The following MYO1D variants were observed in gnomAD, a reference collection of about 807,000 sequenced individuals.
The protein encoded by MYO1D is unconventional myosin-Id.
Under a neutral mutation model 122.0 loss-of-function variants are expected in MYO1D, and 83 were observed. That is an observed-to-expected ratio of 0.68 (90% CI 0.57 to 0.82). MYO1D has a LOEUF of 0.82. Among genes scored for constraint, MYO1D ranks in the 40% least tolerant of loss-of-function variants. The pLI, the probability that MYO1D is intolerant of heterozygous loss-of-function variation, is 0.00. For missense variants in MYO1D, 1,157 were observed against 1,269.5 expected, an observed-to-expected ratio of 0.91 and a Z score of 1.35; for synonymous variants, 464 against 446.9, an observed-to-expected ratio of 1.04 and a Z score of -0.48.
chr17:32,873,053 G>C (rs1243532485), intron 1 of MYO1D, among the ~76,000 whole-genome samples: 3 of 152,142 alleles, frequency 2.0e-5, no homozygotes, highest in Admixed American at 2.0e-4. Context: ...TGTGGCAGTT[G>C]TCTAAAAATC....
chr17:32,830,869 G>T (rs139308379), intron 1 of MYO1D, among the ~76,000 whole-genome samples: 1 of 152,116 alleles, frequency 6.6e-6, no homozygotes, highest in African/African-American at 2.4e-5. Flanking sequence ...ACCAACCTGT[G>T]TAACGGTGAA....
intron 21 of MYO1D, among the ~76,000 whole-genome samples, chr17:32,558,181 T>TC (rs907955404): frequency 6.6e-5 from 10 of 152,078 alleles, no homozygotes; most frequent in Non-Finnish European, 8.8e-5. Context: ...AAAGAAACAC[T>TC]CTGAGAGGCA....
chr17:32,555,135 T>C (rs2087057086), intron 21 of MYO1D, among the ~76,000 whole-genome samples: 1 of 152,142 alleles, frequency 6.6e-6, no homozygotes, highest in Admixed American at 6.5e-5. Context: ...AGAAACATTC[T>C]AGGTGCTCAA....
chr17:32,754,616 C>T (rs546041896), intron 11 of MYO1D, among the ~76,000 whole-genome samples: 2 of 152,276 alleles, frequency 1.3e-5, no homozygotes, highest in South Asian at 2.1e-4. Flanking sequence ...TTTATTCACA[C>T]TAAAAAATGG....
chr17:32,526,667 T>G (rs1344277102), intron 21 of MYO1D, among the ~76,000 whole-genome samples: 3 of 152,136 alleles, frequency 2.0e-5, no homozygotes, highest in Non-Finnish European at 4.4e-5. Flanking sequence ...AGTTATTATT[T>G]TTTGAGACAG....
chr17:32,535,846 G>A (rs1477698267), intron 21 of MYO1D, among the ~76,000 whole-genome samples: 1 of 152,176 alleles, frequency 6.6e-6, no homozygotes, highest in Non-Finnish European at 1.5e-5. Flanking sequence ...ATCTCAGGGT[G>A]TTTTACCTGC....
At chr17:32,853,724 A>G (rs1319973151) in intron 1 of MYO1D, among the ~76,000 whole-genome samples, 1 of 152,222 alleles carries the variant, frequency 6.6e-6, no homozygotes, top group African/African-American at 2.4e-5. Context: ...TGGCTCACAA[A>G]CGAACAAAAA....
At chr17:32,782,766 T>G (rs1356444525) in intron 1 of MYO1D, among the ~76,000 whole-genome samples, 2 of 152,070 alleles carry the variant, frequency 1.3e-5, no homozygotes, top group Non-Finnish European at 2.9e-5. Flanking sequence ...TGAAACTCCA[T>G]CTCTACCAAA....
chr17:32,586,898 A>G (rs554549420), intron 21 of MYO1D, among the ~76,000 whole-genome samples: 12 of 152,288 alleles, frequency 7.9e-5, no homozygotes, highest in South Asian at 6.2e-4. Context: ...TGGAGTGTGA[A>G]TTAATAAAGC....
rs2088117560 is a variant in MYO1D, at chr17:32,637,423, C to A, written c.2709+1299G>T. On this transcript the variant is annotated intron_variant, in intron 20 of 21. Coordinates refer to ENST00000318217, the MANE Select transcript of MYO1D (RefSeq NM_015194.3). ...TGGTGGCTTATGCCTGTAATCCCAG[C>A]ACTTTGGGAGACCACAGCGGGTGGA... 3.3e-5 allele frequency among the ~76,000 whole-genome samples: 5 copies of A among 152,174 alleles called. 1 individual carries two copies. The South Asian group carries it at 8.3e-4, about 25-fold the overall frequency.
At chr17:32,796,208 T>C (rs1567646545) in intron 1 of MYO1D, among the ~76,000 whole-genome samples, 2 of 152,182 alleles carry the variant, frequency 1.3e-5, no homozygotes, top group Admixed American at 1.3e-4. Flanking sequence ...ATGGTAACAT[T>C]TGGCTACTTG....
intron 21 of MYO1D, among the ~76,000 whole-genome samples, chr17:32,556,818 A>G (rs902753852): frequency 2.6e-5 from 4 of 152,208 alleles, no homozygotes; most frequent in African/African-American, 9.7e-5. Context: ...ACAAAATAGG[A>G]ATATTATAGT....
chr17:32,572,332 A>T (rs2087239129), intron 21 of MYO1D, among the ~76,000 whole-genome samples: 1 of 151,966 alleles, frequency 6.6e-6, no homozygotes, highest in South Asian at 2.1e-4. Context: ...CCTCCCAAAG[A>T]TGCTCTTTTC....
Position 32,872,975 on chromosome 17 carries a change from C to T in MYO1D, c.95+3803G>A, listed in dbSNP as rs557243022. Among the ~76,000 whole-genome samples, 199 of 152,242 alleles carry T rather than the reference C, an allele frequency of 1.3e-3. 1 individual carries two copies. The highest frequency in any genetic ancestry group is 1.8e-3 in the Non-Finnish European group (122 of 68,022). On this transcript the variant is annotated intron_variant, in intron 1 of 21. Transcript: ENST00000318217. ...CCTCCCAAAGTGCTGGGATTACAGGCGTGAGCCACCGCGCCCGGCCTAGGT... is the reference window on the plus strand; with the variant it reads ...CCTCCCAAAGTGCTGGGATTACAGGTGTGAGCCACCGCGCCCGGCCTAGGT...
In MYO1D at chr17:32,646,819, A is replaced by G. The variant is rs2088301466; in HGVS notation, c.2595+7024T>C. 3.3e-5 allele frequency among the ~76,000 whole-genome samples: 5 copies of G among 152,228 alleles called. No homozygotes were observed. The South Asian group carries it at 1.0e-3, about 32-fold the overall frequency. ...AGAATATGAATTGAGTGGGAAGGAC[A>G]TCAGGTAACAAAGTAAAAGCCTCAG... On this transcript the variant is annotated intron_variant, in intron 19 of 21. Coordinates refer to ENST00000318217, the MANE Select transcript of MYO1D (RefSeq NM_015194.3).
At chr17:32,499,240 A>AC (rs1909231352) in intron 21 of MYO1D, 1 of 152,250 alleles carries the variant, frequency 6.6e-6, no homozygotes, top group African/African-American at 2.4e-5. Flanking sequence ...GGTGGTGCAC[A>AC]CCTGTAGTCC....
chr17:32,834,593 C>G (rs1367457073), intron 1 of MYO1D, among the ~76,000 whole-genome samples: 1 of 152,248 alleles, frequency 6.6e-6, no homozygotes, highest in African/African-American at 2.4e-5. Flanking sequence ...CCTCATCCTA[C>G]ATCATCTGCC....
intron 1 of MYO1D, among the ~76,000 whole-genome samples, chr17:32,836,025 A>C (rs2090819083): frequency 6.6e-6 from 1 of 152,242 alleles, no homozygotes; most frequent in Non-Finnish European, 1.5e-5. Flanking sequence ...AAAAATAGGA[A>C]GAAAAACAAA....
chr17:32,554,525 A>T (rs536412001), intron 21 of MYO1D, among the ~76,000 whole-genome samples: 30 of 152,340 alleles, frequency 2.0e-4, no homozygotes, highest in African/African-American at 7.2e-4. Flanking sequence ...AAGGATATAT[A>T]AGTGAATATT....
Sources: allele counts gnomAD v4.1 joint callset (sites outside exome capture counted in the v4.1 genomes callset), GRCh38; gene constraint gnomAD v4.1.1; transcripts MANE v1.5; gene names NCBI Gene and HGNC (gene_info 2026-07-23, HGNC 2026-07-21).